Variants in ZNF862 observed in about 807,000 individuals in gnomAD.
ZNF862 encodes zinc finger protein 862.
Under a neutral mutation model 91.1 loss-of-function variants are expected in ZNF862, and 64 were observed. The observed-to-expected ratio is 0.70, with a 90% CI of 0.57 to 0.87. The LOEUF (loss-of-function observed/expected upper bound fraction) is 0.87. ZNF862 is among the 40% of genes least tolerant of loss of function. The pLI is 0.00. For missense variants in ZNF862, 1,459 were observed against 1,528.0 expected, an observed-to-expected ratio of 0.95 and a Z score of 0.75; for synonymous variants, 631 against 618.1, an observed-to-expected ratio of 1.02 and a Z score of -0.31.
In ZNF862 at chr7:149,860,392, A is replaced by G. The variant is rs769959441; in HGVS notation, c.1232A>G (p.Lys411Arg). The G allele has an allele frequency of 1.3e-5, 21 of 1,608,744 alleles. No individual in the cohort carries two copies. Among genetic ancestry groups the G allele is most frequent in the Non-Finnish European group, 1.5e-5 (18 of 1,177,266 alleles). ...TCAATTTTCTCCAAAGGGAACAAGAAGATGGTGGCAGTGAGAGAGGCAGAC... is the reference window on the plus strand; with the variant it reads ...TCAATTTTCTCCAAAGGGAACAAGAGGATGGTGGCAGTGAGAGAGGCAGAC... Reference protein sequence around the residue: ...WGKGRPPGNKKMVAVREADTQ... With the variant: ...WGKGRPPGNKRMVAVREADTQ... The change falls in exon 7 of 8, where the codon AAG (lysine) becomes AGG (arginine). Residue 411 changes from lysine to arginine, a missense_variant. Coordinates refer to ENST00000223210, the MANE Select transcript of ZNF862 (RefSeq NM_001099220.3).
chr7:149,863,863 C>T lies in ZNF862; in HGVS notation c.3335-246C>T, dbSNP rs574386927. The stretch of plus-strand genomic sequence containing the variant: ...GTAGCACACACCCCATTTGTGACCA[C>T]AAAAATCATCTCCAGACATTGGCAA... On this transcript the variant is annotated intron_variant, in intron 7 of 7. Coordinates refer to ENST00000223210, the MANE Select transcript of ZNF862 (RefSeq NM_001099220.3). 3.0e-4 allele frequency among the ~76,000 whole-genome samples: 46 copies of T among 152,334 alleles called. No homozygotes were observed. The South Asian group carries it at 8.5e-3, about 28-fold the overall frequency.
chr7:149,861,193 T>A lies in ZNF862; in HGVS notation c.2033T>A (p.Leu678Gln). ...TACTTCGAGACCATCGTTTCTGCCCTGGATGAGCTGGACATCCCCTTCCGG... is the reference window on the plus strand; with the variant it reads ...TACTTCGAGACCATCGTTTCTGCCCAGGATGAGCTGGACATCCCCTTCCGG... ...DGYFETIVSA[L>Q]DELDIPFRKP... Residue 678 changes from leucine to glutamine, a missense_variant, in exon 7 of 8, where the codon CTG becomes CAG. Coordinates refer to ENST00000223210, the MANE Select transcript of ZNF862 (RefSeq NM_001099220.3). This position sits in a 1 kb window ranked among gnomAD's most constrained non-coding sequence, Gnocchi z 6.7. 6.2e-7 allele frequency: 1 copy of A among 1,612,636 alleles called. No homozygotes were observed. Among genetic ancestry groups the A allele is most frequent in the Non-Finnish European group, 8.5e-7 (1 of 1,179,668 alleles).
chr7:149,848,645 TATC>T (rs1413214167), intron 4 of ZNF862, among the ~76,000 whole-genome samples: 2 of 152,212 alleles, frequency 1.3e-5, no homozygotes, highest in African/African-American at 4.8e-5. Flanking sequence ...ACAACCCTAT[TATC>T]ATCTCCTTTT....
intron 1 of ZNF862, chr7:149,841,805 A>C: frequency 1.0e-6 from 1 of 968,930 alleles, no homozygotes; most frequent in Non-Finnish European, 1.2e-6. Flanking sequence ...TTTTCTGAAC[A>C]TGGTTCTATT....
Position 149,850,078 on chromosome 7 carries a change from T to C in ZNF862, c.940-83T>C, listed in dbSNP as rs1802008256. 13 of 1,446,642 alleles carry C rather than the reference T, an allele frequency of 9.0e-6. No homozygotes were observed. The highest frequency in any genetic ancestry group is 7.4e-5 in the East Asian group (3 of 40,374). The allele number at this position is 1,446,642 out of a possible 1,614,324, so 89.6% of individuals were successfully genotyped here. A position where few individuals can be genotyped will look rare whatever the true frequency, so the allele number is the denominator to read the frequency against. ...CTCTTGGTGAGCTTCCCAGGAGAAATAGGGCTTCCAAAGGCCCCAGAAGTG... is the reference window on the plus strand; with the variant it reads ...CTCTTGGTGAGCTTCCCAGGAGAAACAGGGCTTCCAAAGGCCCCAGAAGTG... On this transcript the variant is annotated intron_variant, in intron 4 of 7. Coordinates refer to ENST00000223210, the MANE Select transcript of ZNF862 (RefSeq NM_001099220.3). The surrounding 1 kb of genome is among the most constrained non-coding windows in gnomAD (Gnocchi z 4.2).
At chr7:149,863,662 C>T (rs1802601892) in intron 7 of ZNF862, among the ~76,000 whole-genome samples, 1 of 152,196 alleles carries the variant, frequency 6.6e-6, no homozygotes, top group Admixed American at 6.5e-5. Context: ...AGGACCAGCA[C>T]AGATTGGTCC....
At chr7:149,862,689 C>T (rs984053329) in intron 7 of ZNF862, among the ~76,000 whole-genome samples, 195 bp downstream of exon 7, 3 of 152,262 alleles carry the variant, frequency 2.0e-5, no homozygotes, top group Admixed American at 1.3e-4. Flanking sequence ...GTGCTCTAGG[C>T]AGCAGGGCTT....
rs748664265 is a variant in ZNF862, at chr7:149,850,262, G to A, written c.1041G>A (p.Trp347Ter). The change falls in exon 5 of 8, where the codon TGG becomes TGA. Residue 347 changes from tryptophan (W) to a stop codon, truncating the protein, a stop_gained. Coordinates refer to ENST00000223210, the MANE Select transcript of ZNF862 (RefSeq NM_001099220.3). LOFTEE classifies it high-confidence loss of function. This position sits in a 1 kb window ranked among gnomAD's most constrained non-coding sequence, Gnocchi z 4.2. ...DVAVYFTREEWGMLDKRQKEL... is the reference protein window; with the variant it reads ...DVAVYFTREE ...CAGTGTATTTCACCCGGGAGGAGTG[G>A]GGCATGCTAGACAAGCGGCAGAAGG... The A allele has an allele frequency of 6.2e-7, 1 of 1,613,634 alleles. No homozygotes were observed. Among genetic ancestry groups the A allele is most frequent in the Non-Finnish European group, 8.5e-7 (1 of 1,179,820 alleles).
chr7:149,861,956 C>G lies in ZNF862; in HGVS notation c.2796C>G (p.Leu932=), dbSNP rs1802523814. 1 of 1,613,826 alleles carries G rather than the reference C, an allele frequency of 6.2e-7. No homozygotes were observed. The highest frequency in any genetic ancestry group is 1.7e-5 in the Admixed American group (1 of 60,008). ...CAGTCCTGACGGGGATTGAGTACCT[C>G]CAGCAGAGGTTTGACGCAGACCGAC... ...ERTVLTGIEY[L]QQRFDADRPP... is the part of the protein sequence containing the mutation. Residue 932 remains leucine, a synonymous_variant, in exon 7 of 8, where the codon CTC becomes CTG. Transcript: ENST00000223210. This position sits in a 1 kb window ranked among gnomAD's most constrained non-coding sequence, Gnocchi z 6.7.
chr7:149,863,745 G>T (rs958021226), intron 7 of ZNF862, among the ~76,000 whole-genome samples: 3 of 152,208 alleles, frequency 2.0e-5, no homozygotes, highest in Non-Finnish European at 4.4e-5. Flanking sequence ...TGATGCTGGG[G>T]CTGGGTAATC....
chr7:149,844,020 G>T (rs193276495), intron 1 of ZNF862, among the ~76,000 whole-genome samples: 9 of 152,224 alleles, frequency 5.9e-5, no homozygotes, highest in Admixed American at 1.3e-4. Context: ...TTGTTTTGGG[G>T]AGGGGGTCTT....
rs976315291 is a variant in ZNF862, at chr7:149,850,257, G to A, written c.1036G>A (p.Glu346Lys). 6.2e-7 allele frequency: 1 copy of A among 1,613,486 alleles called. No individual in the cohort carries two copies. Among genetic ancestry groups the A allele is most frequent in the African/African-American group, 1.3e-5 (1 of 74,900 alleles). ...EDVAVYFTRE[E>K]WGMLDKRQKE... ...TGTGGCAGTGTATTTCACCCGGGAG[G>A]AGTGGGGCATGCTAGACAAGCGGCA... Residue 346 changes from glutamate to lysine, a missense_variant, in exon 5 of 8, where the codon GAG (glutamate) becomes AAG (lysine). Glu to Lys is a moderately conservative substitution (Grantham distance 56). Coordinates refer to ENST00000223210, the MANE Select transcript of ZNF862 (RefSeq NM_001099220.3). The surrounding 1 kb of genome is among the most constrained non-coding windows in gnomAD (Gnocchi z 4.2).
chr7:149,854,157 G>A (rs754352966), intron 5 of ZNF862, among the ~76,000 whole-genome samples: 2 of 152,134 alleles, frequency 1.3e-5, no homozygotes, highest in Non-Finnish European at 2.9e-5. Flanking sequence ...AGCTCTGGGG[G>A]CCTTTTCTTT....
intron 1 of ZNF862, among the ~76,000 whole-genome samples, chr7:149,842,098 G>A (rs1801728998): frequency 6.6e-6 from 1 of 152,154 alleles, no homozygotes; most frequent in African/African-American, 2.4e-5. Context: ...AAATGCTTGG[G>A]CCAGGTGGTT....
At chr7:149,854,368 G>A (rs1802182032) in intron 5 of ZNF862, among the ~76,000 whole-genome samples, 1 of 152,226 alleles carries the variant, frequency 6.6e-6, no homozygotes, top group African/African-American at 2.4e-5. Flanking sequence ...GACAACTTGA[G>A]TGCATGATGC....
intron 3 of ZNF862, among the ~76,000 whole-genome samples, chr7:149,847,301 G>A (rs990351356): frequency 6.6e-6 from 1 of 152,222 alleles, no homozygotes; most frequent in Non-Finnish European, 1.5e-5. Context: ...GCCTGCCCAG[G>A]AGATAGGTAG....
chr7:149,858,952 G>A (rs1802354004), intron 5 of ZNF862: 1 of 124,230 alleles, frequency 8.0e-6, no homozygotes, highest in African/African-American at 3.7e-5. Context: ...TGGGCCAGCT[G>A]TGGGGGCAGA....
At chr7:149,856,272 C>A (rs1802262351) in intron 5 of ZNF862, 1 of 152,212 alleles carries the variant, frequency 6.6e-6, no homozygotes, top group African/African-American at 2.4e-5. Context: ...TTTAGATATT[C>A]TCTATTGATT....
chr7:149,857,468 G>A (rs981324353), intron 5 of ZNF862, among the ~76,000 whole-genome samples: 3 of 151,864 alleles, frequency 2.0e-5, no homozygotes, highest in African/African-American at 7.3e-5. Flanking sequence ...TTCTTTCTAG[G>A]AATATTAATT....
Sources: gnomAD v4.1 joint callset for allele counts (sites outside exome capture counted in the v4.1 genomes callset) on GRCh38, gnomAD v4.1.1 for gene constraint, Gnocchi (gnomAD v3.1) non-coding constraint, MANE v1.5 for transcripts, NCBI Gene and HGNC (gene_info 2026-07-23, HGNC 2026-07-21) for gene names.